The following SOS1 variants were observed in gnomAD, a reference collection of about 807,000 sequenced individuals.
SOS1 encodes the protein SOS Ras/Rac guanine nucleotide exchange factor 1.
Under a neutral mutation model 157.6 loss-of-function variants are expected in SOS1, and 25 were observed. The ratio of observed to expected loss-of-function variants is 0.16; its 90% CI spans 0.12 to 0.22. The LOEUF (loss-of-function observed/expected upper bound fraction) is 0.22, where lower values mean the gene tolerates loss of function less well. Among genes scored for constraint, SOS1 ranks in the 10% least tolerant of loss-of-function variants. The pLI is 1.00. For missense variants in SOS1, 1,237 were observed against 1,599.1 expected, an observed-to-expected ratio of 0.77 and a Z score of 3.86; for synonymous variants, 528 against 534.0, an observed-to-expected ratio of 0.99 and a Z score of 0.16.
rs1225152584 is a variant in SOS1, at chr2:39,120,490, G to A, written c.-68C>T. ...GGCCGGGCCAGGGAGCCGCGAGAGG[G>A]CGAGCTCGCAGCGCGGAACAGGGCC... On this transcript the variant is annotated 5_prime_UTR_variant, in exon 1 of 23. Coordinates refer to ENST00000402219, the MANE Select transcript of SOS1 (RefSeq NM_005633.4). 3 of 1,406,410 alleles carry A rather than the reference G, an allele frequency of 2.1e-6. No individual in the cohort carries two copies. Among genetic ancestry groups the A allele is most frequent in the Non-Finnish European group, 2.8e-6 (3 of 1,077,010 alleles). The allele number at this position is 1,406,410 out of a possible 1,614,324, so 87.1% of individuals were successfully genotyped here.
At chr2:39,093,765 G>C (rs1672672774) in intron 1 of SOS1, among the ~76,000 whole-genome samples, 1 of 152,164 alleles carries the variant, frequency 6.6e-6, no homozygotes, top group South Asian at 2.1e-4. Flanking sequence ...GAATGTGATG[G>C]AGTGGCAATC....
chr2:39,002,796 G>A (rs1198138082), intron 17 of SOS1, among the ~76,000 whole-genome samples: 2 of 152,094 alleles, frequency 1.3e-5, no homozygotes, highest in Non-Finnish European at 2.9e-5. Context: ...TGGGTACGGT[G>A]GCTCACACCT....
rs530087122 is a variant in SOS1 at position 39,117,028 on chromosome 2, C to CT, written c.87+3307dup. Among the ~76,000 whole-genome samples, 383 of 138,572 alleles carry CT rather than the reference C, an allele frequency of 2.8e-3. 1 individual carries two copies. The highest frequency in any genetic ancestry group is 0.011 in the East Asian group (50 of 4,730). 90.9% of individuals were successfully genotyped at this position (138,572 alleles called of 152,430 possible). A position where few individuals can be genotyped will look rare whatever the true frequency, so the allele number is the denominator to read the frequency against. ...TAGTCTTTTCTGATTATGTCATTTA[C>CT]TTTTTTTTTTTTTTTTTGAGACAGA... is the stretch of plus-strand genomic sequence containing the variant. On this transcript the variant is annotated intron_variant, in intron 1 of 22. Transcript: ENST00000402219.
intron 6 of SOS1, among the ~76,000 whole-genome samples, chr2:39,045,274 G>GTGTGTGTGTA (rs1670737337): frequency 7.3e-5 from 1 of 13,724 alleles, no homozygotes; most frequent in African/African-American, 2.6e-4. Context: ...GAGAGAGAGA[G>GTGTGTGTGTA]TGTGTGTGTG....
At chr2:39,103,682 A>C (rs1327956239) in intron 1 of SOS1, among the ~76,000 whole-genome samples, 1 of 152,192 alleles carries the variant, frequency 6.6e-6, no homozygotes, top group East Asian at 1.9e-4. Context: ...CTAAAACCAT[A>C]AATCTCTTAG....
At chr2:38,989,206 T>C in intron 21 of SOS1, 64 bp downstream of exon 21, 2 of 1,127,682 alleles carry the variant, frequency 1.8e-6, no homozygotes, top group African/African-American at 3.1e-5. Flanking sequence ...GCAGGAAAGG[T>C]TACACTTGGT....
In SOS1 at chr2:39,022,896, T is replaced by C. The variant is rs758393921; in HGVS notation, c.1532A>G (p.Lys511Arg). The part of the protein sequence containing the change: ...INDKDDTNEY[K>R]HAFEIILKDE... The stretch of plus-strand genomic sequence containing the variant: ...TTTTAAAATTATTTCAAAAGCATGC[T>C]TGTATTCATTGGTGTCATCTTTATC... The change falls in exon 10 of 23, where the codon AAG becomes AGG. Residue 511 changes from lysine to arginine, a missense_variant. By Grantham distance (26) the Lys-to-Arg change is conservative. This residue lies in a region of SOS1 where 210 missense variants were observed against 220.2 expected (regional missense o/e 0.95). Transcript: ENST00000402219. The C allele has an allele frequency of 1.9e-6, 3 of 1,611,290 alleles. No homozygotes were observed. Among genetic ancestry groups the C allele is most frequent in the Middle Eastern group, 1.7e-4 (1 of 6,052 alleles).
Position 39,025,229 on chromosome 2 carries a change from A to C in SOS1, c.1075-1092T>G, listed in dbSNP as rs551220637. Reference sequence around the variant, plus strand: ...AGATACCGTCTATTAAAATAAAATAAAATAACATTTTATCAATAGAGTTTT... The same window carrying C: ...AGATACCGTCTATTAAAATAAAATACAATAACATTTTATCAATAGAGTTTT... On this transcript the variant is annotated intron_variant, in intron 8 of 22. Coordinates refer to ENST00000402219, the MANE Select transcript of SOS1 (RefSeq NM_005633.4). Among the ~76,000 whole-genome samples, 29 of 152,348 alleles carry C rather than the reference A, an allele frequency of 1.9e-4. No homozygotes were observed. The South Asian group carries it at 4.8e-3, about 25-fold the overall frequency.
Position 39,022,870 on chromosome 2 carries a change from C to T in SOS1, c.1558G>A (p.Asp520Asn), listed in dbSNP as rs754115060. The T allele has an allele frequency of 1.2e-6, 2 of 1,612,656 alleles. No homozygotes were observed. Among genetic ancestry groups the T allele is most frequent in the African/African-American group, 2.7e-5 (2 of 74,878 alleles). ...GCAGAAAATATAACACTATTTTCAT[C>T]TTTTAAAATTATTTCAAAAGCATGC... is the stretch of plus-strand genomic sequence containing the variant. The part of the protein sequence containing the change: ...YKHAFEIILK[D>N]ENSVIFSAKS... Residue 520 changes from aspartate (D) to asparagine (N), a missense_variant, in exon 10 of 23, where the codon GAT (aspartate) becomes AAT (asparagine). Asp to Asn is a conservative substitution (Grantham distance 23). Coordinates refer to ENST00000402219, the MANE Select transcript of SOS1 (RefSeq NM_005633.4).
At chr2:39,085,654 C>G (rs1259660273) in intron 1 of SOS1, among the ~76,000 whole-genome samples, 1 of 152,192 alleles carries the variant, frequency 6.6e-6, no homozygotes, top group East Asian at 1.9e-4. Context: ...TCACAGTAAA[C>G]TGATTTACTA....
chr2:39,005,842 A>G (rs1290583989), intron 17 of SOS1, among the ~76,000 whole-genome samples: 1 of 152,130 alleles, frequency 6.6e-6, no homozygotes, highest in Non-Finnish European at 1.5e-5. Flanking sequence ...AGAGTAGGAA[A>G]GAGATATTGA....
intron 6 of SOS1, among the ~76,000 whole-genome samples, chr2:39,041,603 T>C (rs113681253): frequency 4.4e-4 from 67 of 152,350 alleles, no homozygotes; most frequent in African/African-American, 1.2e-3. Flanking sequence ...CTTTGCCAAA[T>C]TGAAGATTCA....
At chr2:39,000,070 A>G (rs1314543102) in intron 17 of SOS1, among the ~76,000 whole-genome samples, 5 of 152,188 alleles carry the variant, frequency 3.3e-5, no homozygotes, top group South Asian at 2.1e-4. Context: ...TAGACTCCCC[A>G]AGAACTGATT....
At chr2:39,003,839 G>A (rs994087953) in intron 17 of SOS1, among the ~76,000 whole-genome samples, 6 of 152,176 alleles carry the variant, frequency 3.9e-5, no homozygotes, top group Non-Finnish European at 7.3e-5. Context: ...GGGTTTCTCT[G>A]TCTCAGCACT....
At chr2:38,993,039 C>G (rs535970176) in intron 20 of SOS1, 8 of 150,832 alleles carry the variant, frequency 5.3e-5, no homozygotes, top group African/African-American at 1.9e-4. Flanking sequence ...AGTTTGAGAT[C>G]AGCCTTGGCA....
At chr2:39,110,031 T>TGC (rs1247384543) in intron 1 of SOS1, among the ~76,000 whole-genome samples, 7 of 125,832 alleles carry the variant, frequency 5.6e-5, no homozygotes, top group African/African-American at 1.9e-4. Context: ...TACAGTTGTG[T>TGC]GTGTGTGCGT....
At chr2:39,021,619 C>G (rs1218768769) in intron 10 of SOS1, among the ~76,000 whole-genome samples, 1 of 150,690 alleles carries the variant, frequency 6.6e-6, no homozygotes, top group African/African-American at 2.4e-5. Context: ...TCTAGGAACC[C>G]CAAACAAAAG....
At chr2:39,083,301 A>G (rs1212003827) in intron 1 of SOS1, among the ~76,000 whole-genome samples, 1 of 152,138 alleles carries the variant, frequency 6.6e-6, no homozygotes, top group East Asian at 1.9e-4. Context: ...CTAGTGAAGC[A>G]CCTACATCCA....
chr2:39,033,243 T>C (rs962504750), intron 8 of SOS1, among the ~76,000 whole-genome samples: 5 of 140,394 alleles, frequency 3.6e-5, no homozygotes, highest in African/African-American at 1.3e-4. Flanking sequence ...AAAAAAGTGA[T>C]GAGAGTCTTG....
Sources: gnomAD v4.1 joint callset for allele counts (sites outside exome capture counted in the v4.1 genomes callset) on GRCh38, gnomAD v4.1.1 for gene constraint, gnomAD v4.1.1 regional missense constraint, MANE v1.5 for transcripts, NCBI Gene and HGNC (gene_info 2026-07-23, HGNC 2026-07-21) for gene names.